The following ANKRD44 variants were observed in gnomAD, a reference collection of about 807,000 sequenced individuals.
ANKRD44 encodes ankyrin repeat domain 44.
In ANKRD44, 35 loss-of-function variants were observed where a neutral mutation model predicts 116.0. The ratio of observed to expected loss-of-function variants is 0.30; its 90% confidence interval spans 0.23 to 0.40. The LOEUF (loss-of-function observed/expected upper bound fraction) is 0.40, where lower values mean the gene tolerates loss of function less well. Among genes scored for constraint, ANKRD44 ranks in the 10% least tolerant of loss-of-function variants. The pLI, the probability that ANKRD44 is intolerant of heterozygous loss-of-function variation, is 1.00. For synonymous variants in ANKRD44, 435 were observed against 461.8 expected (o/e 0.94, Z 0.74); for missense variants, 1,014 against 1,242.6 (o/e 0.82, Z 2.77).
At chr2:197,278,675 G>T (rs1404012114) in intron 1 of ANKRD44, among the ~76,000 whole-genome samples, 2 of 152,162 alleles carry the variant, frequency 1.3e-5, no homozygotes, top group Non-Finnish European at 2.9e-5. Context: ...AAAGATGGAG[G>T]CTCTTTACAC....
At chr2:197,241,365 A>C (rs1308236083) in intron 1 of ANKRD44, among the ~76,000 whole-genome samples, 1 of 152,208 alleles carries the variant, frequency 6.6e-6, no homozygotes, top group Non-Finnish European at 1.5e-5. Context: ...TAATACTGCC[A>C]CTATGCATCA....
chr2:197,193,892 T>C (rs1186875011), intron 1 of ANKRD44, among the ~76,000 whole-genome samples: 1 of 151,714 alleles, frequency 6.6e-6, no homozygotes, highest in African/African-American at 2.4e-5. Context: ...AAAAAATAAA[T>C]AAATACATAA....
intron 1 of ANKRD44, among the ~76,000 whole-genome samples, chr2:197,231,011 A>T (rs567907709): frequency 2.0e-4 from 30 of 152,342 alleles, no homozygotes; most frequent in South Asian, 1.0e-3. Flanking sequence ...AAAAGAATAC[A>T]GGAAAGACAG....
chr2:197,271,991 A>T (rs1291765894), intron 1 of ANKRD44, among the ~76,000 whole-genome samples: 1 of 152,178 alleles, frequency 6.6e-6, no homozygotes. Flanking sequence ...CGCCAAAGTG[A>T]TAGTATTAGA....
chr2:197,112,597 G>T (rs1350875668), intron 8 of ANKRD44, among the ~76,000 whole-genome samples: 2 of 151,700 alleles, frequency 1.3e-5, no homozygotes, highest in Non-Finnish European at 2.9e-5. Flanking sequence ...AGTCCTAGCT[G>T]CTTGGGAGGC....
At position 197,163,333 on chromosome 2, in the gene ANKRD44, C is replaced by T. The variant is rs112142081; in HGVS notation, c.112-16228G>A. On this transcript the variant is annotated intron_variant, in intron 2 of 27. Coordinates refer to ENST00000282272, the MANE Select transcript of ANKRD44 (RefSeq NM_001195144.2). ...GCTGCCTGCTGTGCAGTTCTGGTTT[C>T]TGTGAGACCTCAACCTGCAATAATC... Among the ~76,000 whole-genome samples the T allele has an allele frequency of 2.6e-5, 4 of 152,360 alleles. 1 individual carries two copies. Among genetic ancestry groups the T allele is most frequent in the African/African-American group, 9.6e-5 (4 of 41,594 alleles).
chr2:197,007,383 A>G (rs1212233778), intron 20 of ANKRD44, among the ~76,000 whole-genome samples: 2 of 152,236 alleles, frequency 1.3e-5, no homozygotes, highest in Non-Finnish European at 2.9e-5. Flanking sequence ...ATCTATATAT[A>G]GAAAAAAGAT....
chr2:197,075,632 T>C (rs1250180444), intron 16 of ANKRD44, among the ~76,000 whole-genome samples: 1 of 152,234 alleles, frequency 6.6e-6, no homozygotes, highest in Non-Finnish European at 1.5e-5. Context: ...AAGGGGTTCA[T>C]ACTACCTTTT....
intron 1 of ANKRD44, among the ~76,000 whole-genome samples, chr2:197,292,607 A>C (rs772123859): frequency 1.2e-4 from 18 of 152,204 alleles, no homozygotes; most frequent in Non-Finnish European, 1.6e-4. Context: ...AAAACTTTAG[A>C]TGTCAACCCC....
chr2:197,288,171 T>C (rs748133446), intron 1 of ANKRD44, among the ~76,000 whole-genome samples: 1 of 152,168 alleles, frequency 6.6e-6, no homozygotes, highest in Non-Finnish European at 1.5e-5. Flanking sequence ...AATACCATGA[T>C]ATTCTAAGCA....
downstream of ANKRD44, chr2:196,986,563 T>G (rs968466024): frequency 2.8e-6 from 1 of 354,600 alleles, no homozygotes; most frequent in East Asian, 1.7e-4. Context: ...TTTATCTTGA[T>G]TATTTTCTAA....
At chr2:197,281,240 G>T (rs532838272) in intron 1 of ANKRD44, among the ~76,000 whole-genome samples, 3 of 152,152 alleles carry the variant, frequency 2.0e-5, no homozygotes, top group South Asian at 2.1e-4. Flanking sequence ...CATGCCTGTT[G>T]ATAGGAGGCC....
chr2:197,136,317 A>G (rs1424644868), intron 4 of ANKRD44: 13 of 471,008 alleles, frequency 2.8e-5, no homozygotes, highest in African/African-American at 1.2e-4. Context: ...TATTGTAATG[A>G]TATGCTTTCT....
chr2:197,139,575 G>T (rs373044773), intron 3 of ANKRD44, among the ~76,000 whole-genome samples: 1 of 151,752 alleles, frequency 6.6e-6, no homozygotes, highest in Non-Finnish European at 1.5e-5. Flanking sequence ...TGAAGTAAGA[G>T]TACCCATACA....
intron 2 of ANKRD44, among the ~76,000 whole-genome samples, chr2:197,163,776 C>A (rs1171185220): frequency 6.6e-6 from 1 of 152,156 alleles, no homozygotes; most frequent in African/African-American, 2.4e-5. Context: ...TACAAGCGCA[C>A]GACACCACGT....
intron 2 of ANKRD44, among the ~76,000 whole-genome samples, chr2:197,149,142 C>G (rs1236383895): frequency 6.6e-6 from 1 of 152,174 alleles, no homozygotes; most frequent in African/African-American, 2.4e-5. Context: ...TGGATAAAAG[C>G]TATGTAATTA....
At chr2:197,066,398 C>T (rs1168412687) in intron 16 of ANKRD44, among the ~76,000 whole-genome samples, 2 of 152,212 alleles carry the variant, frequency 1.3e-5, no homozygotes, top group Admixed American at 6.5e-5. Context: ...GATGCCCTCT[C>T]TCACCACTCC....
intron 16 of ANKRD44, among the ~76,000 whole-genome samples, chr2:197,050,798 A>G (rs2077092609): frequency 6.6e-6 from 1 of 152,078 alleles, no homozygotes; most frequent in South Asian, 2.1e-4. Context: ...ATTAAATTAT[A>G]TTACTGTTAC....
downstream of ANKRD44, among the ~76,000 whole-genome samples, chr2:196,981,989 G>A (rs1001059009): frequency 5.3e-5 from 8 of 150,456 alleles, no homozygotes; most frequent in Non-Finnish European, 1.0e-4. Context: ...TCTTGTCTTC[G>A]CTGCTAGATC....
Sources: allele counts gnomAD v4.1 joint callset (sites outside exome capture counted in the v4.1 genomes callset), GRCh38; gene constraint gnomAD v4.1.1; transcripts MANE v1.5; gene names NCBI Gene and HGNC (gene_info 2026-07-23, HGNC 2026-07-21).